Variants in CCNY observed in about 807,000 individuals in gnomAD.
The protein encoded by CCNY is cyclin-Y.
CCNY carries 19 observed loss-of-function variants against 42.8 expected under a neutral mutation model. The observed-to-expected ratio is 0.44, with a 90% CI of 0.31 to 0.65. CCNY has a LOEUF of 0.65. Ranked by LOEUF, CCNY falls within the 30% of genes least tolerant of loss-of-function variation. CCNY has a pLI of 0.07. For missense variants in CCNY, 370 were observed against 437.3 expected (o/e 0.85, Z 1.37); for synonymous variants, 165 against 162.7 (o/e 1.01, Z -0.11).
At chr10:35,566,724 T>C (rs931089284) in intron 9 of CCNY, among the ~76,000 whole-genome samples, 2 of 152,200 alleles carry the variant, frequency 1.3e-5, no homozygotes, top group Non-Finnish European at 2.9e-5. Flanking sequence ...TGGGTTTTTT[T>C]GAGATGGAGT....
chr10:35,381,982 AG>A (rs1226599257), intron 1 of CCNY, among the ~76,000 whole-genome samples: 5 of 152,252 alleles, frequency 3.3e-5, no homozygotes, highest in Non-Finnish European at 7.3e-5. Flanking sequence ...TTAAAACTAA[AG>A]AACAAATCAA....
chr10:35,418,801 G>A (rs1028611074), intron 1 of CCNY, among the ~76,000 whole-genome samples: 1 of 151,884 alleles, frequency 6.6e-6, no homozygotes. Flanking sequence ...GCTGTGCTCA[G>A]TTTCTTCATC....
At chr10:35,252,623 A>G (rs901361338) in intron 3 of CCNY, among the ~76,000 whole-genome samples, 12 of 151,506 alleles carry the variant, frequency 7.9e-5, no homozygotes, top group African/African-American at 2.9e-4. Context: ...GCATTGAGGT[A>G]TGAAAAATAT....
chr10:35,523,082 C>G (rs1040480530), intron 4 of CCNY, among the ~76,000 whole-genome samples: 13 of 152,168 alleles, frequency 8.5e-5, no homozygotes, highest in Admixed American at 3.9e-4. Context: ...TTCTAAAACA[C>G]CTACAATTCC....
intron 3 of CCNY, among the ~76,000 whole-genome samples, chr10:35,313,977 G>GAAAAAAAAAAAAAA (rs71523375): frequency 1.3e-5 from 1 of 79,798 alleles, no homozygotes. Context: ...GTTCATCTCG[G>GAAAAAAAAAAAAAA]AAAAAAAAAA....
At chr10:35,524,480 C>T (rs1191767613) in intron 4 of CCNY, among the ~76,000 whole-genome samples, 1 of 152,192 alleles carries the variant, frequency 6.6e-6, no homozygotes, top group Non-Finnish European at 1.5e-5. Flanking sequence ...CATCTGAGTG[C>T]TTTGGAATCC....
At chr10:35,317,038 G>A (rs1006791776) in intron 3 of CCNY, among the ~76,000 whole-genome samples, 2 of 152,128 alleles carry the variant, frequency 1.3e-5, no homozygotes, top group African/African-American at 2.4e-5. Flanking sequence ...TAGAGATGGG[G>A]GTTTCACCAT....
At chr10:35,453,720 A>G (rs987761943) in intron 1 of CCNY, among the ~76,000 whole-genome samples, 1 of 152,242 alleles carries the variant, frequency 6.6e-6, no homozygotes, top group Non-Finnish European at 1.5e-5. Context: ...AGTAGGTGAA[A>G]GAAAATCTGG....
At chr10:35,474,068 C>A (rs1041731381) in intron 1 of CCNY, among the ~76,000 whole-genome samples, 1 of 152,186 alleles carries the variant, frequency 6.6e-6, no homozygotes, top group Non-Finnish European at 1.5e-5. Flanking sequence ...CATTCCCACC[C>A]GAATACTGCG....
At chr10:35,320,458 AC>A (rs1293899792) in intron 3 of CCNY, among the ~76,000 whole-genome samples, 1 of 152,216 alleles carries the variant, frequency 6.6e-6, no homozygotes, top group East Asian at 1.9e-4. Flanking sequence ...AATAGAAGGG[AC>A]CTTCTTCATC....
At chr10:35,319,658 G>A (rs1174876357) in intron 3 of CCNY, among the ~76,000 whole-genome samples, 3 of 152,022 alleles carry the variant, frequency 2.0e-5, no homozygotes, top group Non-Finnish European at 4.4e-5. Context: ...GGTGAATTAC[G>A]AGGTCAGGAG....
chr10:35,318,717 A>AT (rs1835788514), intron 3 of CCNY, among the ~76,000 whole-genome samples: 1 of 152,130 alleles, frequency 6.6e-6, no homozygotes, highest in Non-Finnish European at 1.5e-5. Flanking sequence ...AGCAACAGCA[A>AT]TGCGGTGATT....
intron 2 of CCNY, among the ~76,000 whole-genome samples, chr10:35,493,784 A>G (rs767598414): frequency 6.6e-6 from 1 of 152,194 alleles, no homozygotes; most frequent in Non-Finnish European, 1.5e-5. Context: ...GGAGGACTAA[A>G]TGCATAATCC....
Position 35,406,835 on chromosome 10 carries a change from T to C in CCNY, c.154+69628T>C, listed in dbSNP as rs374205627. ...GCAGAGGCGCCCCTCACCTCCCGGA[T>C]GGGGCGGCTGGCCGGGCGGGGGGCT... On this transcript the variant is annotated intron_variant, in intron 1 of 9. Coordinates refer to ENST00000374704, the MANE Select transcript of CCNY (RefSeq NM_145012.6). 3.3e-4 allele frequency among the ~76,000 whole-genome samples: 50 copies of C among 151,592 alleles called. No individual in the cohort carries two copies. The East Asian group carries it at 8.8e-3, about 27-fold the overall frequency.
chr10:35,477,999 C>G (rs1839558623), intron 1 of CCNY, among the ~76,000 whole-genome samples: 2 of 144,772 alleles, frequency 1.4e-5, no homozygotes, highest in Admixed American at 1.4e-4. Context: ...CAACAACAGA[C>G]AAACAGAGAG....
chr10:35,450,671 AG>A (rs1482795199), intron 1 of CCNY, among the ~76,000 whole-genome samples: 1 of 150,262 alleles, frequency 6.7e-6, no homozygotes, highest in African/African-American at 2.4e-5. Flanking sequence ...GCACTTGGGG[AG>A]GCCAGTATTA....
intron 3 of CCNY, among the ~76,000 whole-genome samples, chr10:35,294,641 AT>A (rs768847580): frequency 1.3e-5 from 2 of 152,214 alleles, no homozygotes; most frequent in Non-Finnish European, 2.9e-5. Context: ...ATCTTTTTAT[AT>A]GTGGCTGGTT....
chr10:35,523,669 G>A (rs16936104), intron 4 of CCNY, among the ~76,000 whole-genome samples: 3 of 152,134 alleles, frequency 2.0e-5, no homozygotes, highest in African/African-American at 4.8e-5. Context: ...TCGCCCATTC[G>A]GCAGAAGCCA....
At chr10:35,263,740 T>C (rs904040819) in intron 3 of CCNY, among the ~76,000 whole-genome samples, 7 of 152,186 alleles carry the variant, frequency 4.6e-5, no homozygotes, top group Non-Finnish European at 7.3e-5. Context: ...ATTTGTTACA[T>C]AGGTAAACAC....
Sources: gnomAD v4.1 joint callset for allele counts (sites outside exome capture counted in the v4.1 genomes callset) on GRCh38, gnomAD v4.1.1 for gene constraint, MANE v1.5 for transcripts, NCBI Gene and HGNC (gene_info 2026-07-23, HGNC 2026-07-21) for gene names.